The following DPH2 variants were observed in gnomAD, a reference collection of about 807,000 sequenced individuals.
DPH2 encodes the protein 2-(3-amino-3-carboxypropyl)histidine synthase subunit 2.
In DPH2, 28 loss-of-function variants were observed where a neutral mutation model predicts 42.5. That is an observed-to-expected ratio of 0.66 (90% CI 0.49 to 0.90). DPH2 has a LOEUF of 0.90. DPH2 is among the 40% of genes least tolerant of loss of function. The probability of loss-of-function intolerance (pLI) is 0.00; values close to 1 mark genes in which losing one functional copy is unlikely to be tolerated. For missense variants in DPH2, 576 were observed against 636.0 expected, an observed-to-expected ratio of 0.91 and a Z score of 1.01; for synonymous variants, 279 against 264.4, an observed-to-expected ratio of 1.06 and a Z score of -0.53.
chr1:43,972,299 G>T lies in DPH2; in HGVS notation c.1310G>T (p.Arg437Leu). 6.2e-7 allele frequency: 1 copy of T among 1,614,098 alleles called. No individual in the cohort carries two copies. The highest frequency in any genetic ancestry group is 8.5e-7 in the Non-Finnish European group (1 of 1,180,012). ...NDHGSLALTPRPQLELAESSP... is the reference protein window; with the variant it reads ...NDHGSLALTPLPQLELAESSP... ...CATGGAAGCTTGGCTCTGACCCCAC[G>T]GCCCCAGCTGGAGCTGGCTGAGAGC... is the stretch of plus-strand genomic sequence containing the variant. Residue 437 changes from arginine to leucine, a missense_variant, in exon 5 of 6, where the codon CGG becomes CTG. Transcript: ENST00000255108.
At position 43,971,699 on chromosome 1, in the gene DPH2, G is replaced by A. The variant is rs370476187; in HGVS notation, c.797G>A (p.Arg266Gln). 8.1e-6 allele frequency: 13 copies of A among 1,613,464 alleles called. No homozygotes were observed. The highest frequency in any genetic ancestry group is 2.7e-5 in the African/African-American group (2 of 74,934). The stretch of plus-strand genomic sequence containing the variant: ...CAGGATGAGGGTGCCCGGGCTGGAC[G>A]GCTAAGGGCACGAAGACGATATCTG... ...KTQDEGARAG[R>Q]LRARRRYLVE... The change falls in exon 4 of 6, where the codon CGG (arginine) becomes CAG (glutamine). Residue 266 changes from arginine (R) to glutamine (Q), a missense_variant. Around this residue, in one of 3 missense-constraint regions of DPH2, gnomAD observed 395 missense variants for 435.2 expected, o/e 0.91. Transcript: ENST00000255108.
chr1:43,971,261 A>G (rs980695568), intron 3 of DPH2, 72 bp downstream of exon 3: 52 of 1,529,256 alleles, frequency 3.4e-5, no homozygotes, highest in Non-Finnish European at 4.2e-5. Context: ...CCATTTCCAT[A>G]TACCATCCAT....
rs1402524650 is a variant in DPH2, at chr1:43,970,100, G to C, written c.-76G>C. ...ACAAGGCGATTTTGACCCCCTGAGG[G>C]CTGCTCTAGAGGACTCAGGCCCCGA... On this transcript the variant is annotated 5_prime_UTR_variant, in exon 1 of 6. Coordinates refer to ENST00000255108, the MANE Select transcript of DPH2 (RefSeq NM_001384.5). 1.3e-6 allele frequency: 2 copies of C among 1,551,662 alleles called. No individual in the cohort carries two copies. The highest frequency in any genetic ancestry group is 1.9e-4 in the Middle Eastern group (1 of 5,316).
rs767303260 is a variant in DPH2 at position 43,971,413 on chromosome 1, C to A, written c.511C>A (p.Arg171=). 1 of 1,599,078 alleles carries A rather than the reference C, an allele frequency of 6.3e-7. No homozygotes were observed. The highest frequency in any genetic ancestry group is 1.7e-5 in the Admixed American group (1 of 58,272). The change falls in exon 4 of 6, where the codon CGG becomes AGG. Residue 171 remains arginine (R), a synonymous_variant. Transcript: ENST00000255108. ...GGCTTTGGCTACTCTCCTGCGCCCACGGTACCTGGACCTGCTAGTCTCCAG... is the reference window on the plus strand; with the variant it reads ...GGCTTTGGCTACTCTCCTGCGCCCAAGGTACCTGGACCTGCTAGTCTCCAG... ...LEALATLLRP[R]YLDLLVSSPA...
chr1:43,970,035 A>G lies in DPH2; in HGVS notation c.-141A>G. 1.1e-6 allele frequency: 1 copy of G among 924,026 alleles called. No individual in the cohort carries two copies. The highest frequency in any genetic ancestry group is 1.6e-6 in the Non-Finnish European group (1 of 628,392). The allele number at this position is 924,026 out of a possible 1,614,324, so 57.2% of individuals were successfully genotyped here. ...AGTAGTTAGGATGGCTGAAGGGGAT[A>G]CTCACCGGCTGAAGGCCGACTGTGA... On this transcript the variant is annotated 5_prime_UTR_variant, in exon 1 of 6. The change creates a new upstream start codon in the 5' untranslated region. Transcript: ENST00000255108.
Position 43,972,403 on chromosome 1 carries a change from C to T in DPH2, c.1346-12C>T. On this transcript the variant is annotated splice_polypyrimidine_tract_variant and intron_variant, in intron 5 of 5. Coordinates refer to ENST00000255108, the MANE Select transcript of DPH2 (RefSeq NM_001384.5). The stretch of plus-strand genomic sequence containing the variant: ...ATGCAGCGCACTCAGACTGAGCCCC[C>T]TCCCTCTACAGCCTCATTCCTTAGT... The T allele has an allele frequency of 6.2e-7, 1 of 1,614,144 alleles. No homozygotes were observed. The highest frequency in any genetic ancestry group is 2.2e-5 in the East Asian group (1 of 44,890).
Position 43,970,327 on chromosome 1 carries a change from G to A in DPH2, c.147+5G>A. On this transcript the variant is annotated splice_donor_5th_base_variant and intron_variant, in intron 1 of 5. Transcript: ENST00000255108. ...CGCGACCTGGGGTGTGAACGAGTGA[G>A]GACAGACTTAGGGAAGGGTGGCTCG... 1.2e-6 allele frequency: 2 copies of A among 1,613,656 alleles called. No homozygotes were observed. Among genetic ancestry groups the A allele is most frequent in the Non-Finnish European group, 1.7e-6 (2 of 1,179,768 alleles).
At position 43,972,736 on chromosome 1, in the gene DPH2, A is replaced by C; in HGVS notation, c.*197A>C. 1 of 698,426 alleles carries C rather than the reference A, an allele frequency of 1.4e-6. No homozygotes were observed. The highest frequency in any genetic ancestry group is 2.3e-6 in the Non-Finnish European group (1 of 431,650). The allele number at this position is 698,426 out of a possible 1,614,324, so 43.3% of individuals were successfully genotyped here. On this transcript the variant is annotated 3_prime_UTR_variant, in exon 6 of 6. Transcript: ENST00000255108. ...GCACAAGCTCAGCACATGCCCAGTA[A>C]TGCGTGTTGTTTGGCTGATGGAATA... is the stretch of plus-strand genomic sequence containing the variant.
In DPH2 at chr1:43,971,052, G is replaced by A. The variant is rs747639248; in HGVS notation, c.347G>A (p.Arg116His). 8.9e-6 allele frequency: 14 copies of A among 1,575,420 alleles called. No homozygotes were observed. The highest frequency in any genetic ancestry group is 6.7e-5 in the African/African-American group (5 of 74,308). ...FGPACLSPPA[R>H]PLPVAFVLRQ... ...CCTGCCTGCTTAAGCCCTCCAGCCCGCCCACTGCCCGTTGCCTTCGTGCTT... is the reference window on the plus strand; with the variant it reads ...CCTGCCTGCTTAAGCCCTCCAGCCCACCCACTGCCCGTTGCCTTCGTGCTT... The change falls in exon 3 of 6, where the codon CGC becomes CAC. Residue 116 changes from arginine (R) to histidine (H), a missense_variant. Around this residue, in one of 3 missense-constraint regions of DPH2, gnomAD observed 395 missense variants for 435.2 expected, o/e 0.91. Transcript: ENST00000255108.
In DPH2 at chr1:43,972,453, C is replaced by T; in HGVS notation, c.1384C>T (p.Pro462Ser). The T allele has an allele frequency of 6.2e-7, 1 of 1,614,256 alleles. No individual in the cohort carries two copies. The highest frequency in any genetic ancestry group is 8.5e-7 in the Non-Finnish European group (1 of 1,180,054). ...LSSRSWQGLEPRLGQTPVTEA... is the reference protein window; with the variant it reads ...LSSRSWQGLESRLGQTPVTEA... ...TTCCCGGAGCTGGCAAGGGCTGGAG[C>T]CCCGCCTGGGTCAGACGCCAGTGAC... The change falls in exon 6 of 6, where the codon CCC (proline) becomes TCC (serine). Residue 462 changes from proline (P) to serine (S), a missense_variant. Transcript: ENST00000255108.
At chr1:43,970,388 C>A in intron 1 of DPH2, 66 bp downstream of exon 1, 1 of 1,584,830 alleles carries the variant, frequency 6.3e-7, no homozygotes, top group Non-Finnish European at 8.6e-7. Flanking sequence ...GGATCCGGAT[C>A]TTGGGGGATT....
chr1:43,972,240 C>A lies in DPH2; in HGVS notation c.1251C>A (p.Leu417=). The stretch of plus-strand genomic sequence containing the variant: ...ACGTGTCACTCATTACTGGAGATCT[C>A]CGACCCCCACCTGCCTGGAAGTCAT... ...TPDVSLITGD[L]RPPPAWKSSN... The change falls in exon 5 of 6, where the codon CTC becomes CTA. Residue 417 remains leucine (L), a synonymous_variant. Transcript: ENST00000255108. 6.2e-7 allele frequency: 1 copy of A among 1,614,210 alleles called. No individual in the cohort carries two copies. The highest frequency in any genetic ancestry group is 8.5e-7 in the Non-Finnish European group (1 of 1,180,036).
Position 43,971,730 on chromosome 1 carries a change from G to A in DPH2, c.828G>A (p.Glu276=), listed in dbSNP as rs2085431331. The part of the protein sequence containing the change: ...RLRARRRYLV[E]RARDARVVGL... Reference sequence around the variant, plus strand: ...GGGCACGAAGACGATATCTGGTAGAGAGGGCCAGAGATGCCCGCGTGGTAG... The same window carrying A: ...GGGCACGAAGACGATATCTGGTAGAAAGGGCCAGAGATGCCCGCGTGGTAG... The change falls in exon 4 of 6, where the codon GAG becomes GAA. Residue 276 remains glutamate, a synonymous_variant. Coordinates refer to ENST00000255108, the MANE Select transcript of DPH2 (RefSeq NM_001384.5). 1.2e-6 allele frequency: 2 copies of A among 1,611,252 alleles called. No homozygotes were observed. The highest frequency in any genetic ancestry group is 1.7e-6 in the Non-Finnish European group (2 of 1,179,634).
At chr1:43,971,231 T>C in intron 3 of DPH2, 42 bp downstream of exon 3, 3 of 1,535,930 alleles carry the variant, frequency 2.0e-6, no homozygotes, top group Non-Finnish European at 2.6e-6. Context: ...GTGAGCCAAC[T>C]GCTTTATGCC....
In DPH2 at chr1:43,972,430, C is replaced by G. The variant is rs1164570943; in HGVS notation, c.1361C>G (p.Ser454Cys). 1 of 1,614,224 alleles carries G rather than the reference C, an allele frequency of 6.2e-7. No individual in the cohort carries two copies. Among genetic ancestry groups the G allele is most frequent in the South Asian group, 1.1e-5 (1 of 91,084 alleles). ...ESSPAASFLSSRSWQGLEPRL... is the reference protein window; with the variant it reads ...ESSPAASFLSCRSWQGLEPRL... ...CCCTCTACAGCCTCATTCCTTAGTTCCCGGAGCTGGCAAGGGCTGGAGCCC... is the reference window on the plus strand; with the variant it reads ...CCCTCTACAGCCTCATTCCTTAGTTGCCGGAGCTGGCAAGGGCTGGAGCCC... Residue 454 changes from serine (S) to cysteine (C), a missense_variant, in exon 6 of 6, where the codon TCC becomes TGC. Ser to Cys is a moderately radical substitution (Grantham distance 112). Around this residue, in one of 3 missense-constraint regions of DPH2, gnomAD observed 178 missense variants for 184.4 expected, o/e 0.97. Transcript: ENST00000255108.
Position 43,971,627 on chromosome 1 carries a change from C to T in DPH2, c.725C>T (p.Ala242Val). The change falls in exon 4 of 6, where the codon GCA becomes GTA. Residue 242 changes from alanine to valine, a missense_variant. Physicochemically the swap from Ala to Val is moderately conservative, Grantham distance 64. Transcript: ENST00000255108. ...PDLSRLLLGW[A>V]PGQPFSSCCP... ...CTGAGTCGGCTGCTCTTGGGGTGGG[C>T]ACCAGGTCAACCCTTCTCCTCCTGC... 1 of 1,614,118 alleles carries T rather than the reference C, an allele frequency of 6.2e-7. No homozygotes were observed. The highest frequency in any genetic ancestry group is 8.5e-7 in the Non-Finnish European group (1 of 1,179,972).
rs1469684503 is a variant in DPH2 at position 43,972,341 on chromosome 1, G to A, written c.1345+7G>A. On this transcript the variant is annotated splice_region_variant and intron_variant, in intron 5 of 5. Transcript: ENST00000255108. Reference sequence around the variant, plus strand: ...GCTGAGAGCAGTCCTGCAGGTAAATGTACAAGTCTCCACTCCCAGCTGAGC... The same window carrying A: ...GCTGAGAGCAGTCCTGCAGGTAAATATACAAGTCTCCACTCCCAGCTGAGC... 6.2e-7 allele frequency: 1 copy of A among 1,613,814 alleles called. No homozygotes were observed.
At position 43,971,832 on chromosome 1, in the gene DPH2, T is replaced by C; in HGVS notation, c.930T>C (p.Ala310=). Residue 310 remains alanine (A), a synonymous_variant, in exon 4 of 6, where the codon GCT becomes GCC. Coordinates refer to ENST00000255108, the MANE Select transcript of DPH2 (RefSeq NM_001384.5). ...LAHLRNLTQA[A]GKRSYVLALG... is the part of the protein sequence containing the mutation. Reference sequence around the variant, plus strand: ...ACTTGCGGAACCTGACTCAGGCTGCTGGCAAGCGTAGCTATGTGTTGGCCC... The same window carrying C: ...ACTTGCGGAACCTGACTCAGGCTGCCGGCAAGCGTAGCTATGTGTTGGCCC... The C allele has an allele frequency of 6.2e-7, 1 of 1,613,506 alleles. No homozygotes were observed. Among genetic ancestry groups the C allele is most frequent in the Non-Finnish European group, 8.5e-7 (1 of 1,180,046 alleles).
In DPH2 at chr1:43,971,933, G is replaced by A; in HGVS notation, c.1031G>A (p.Gly344Asp). 6.2e-7 allele frequency: 1 copy of A among 1,614,224 alleles called. No homozygotes were observed. Among genetic ancestry groups the A allele is most frequent in the Non-Finnish European group, 8.5e-7 (1 of 1,180,042 alleles). Reference sequence around the variant, plus strand: ...TTTGTGCTATTAGCCTGTCCTCTGGGTGCTCTAGCCCCCCAGCTTTCTGGT... The same window carrying A: ...TTTGTGCTATTAGCCTGTCCTCTGGATGCTCTAGCCCCCCAGCTTTCTGGT... ...DVFVLLACPL[G>D]ALAPQLSGSF... Residue 344 changes from glycine (G) to aspartate (D), a missense_variant, in exon 4 of 6, where the codon GGT becomes GAT. Gly to Asp is a moderately conservative substitution (Grantham distance 94, BLOSUM62 -1). Around this residue, in one of 3 missense-constraint regions of DPH2, gnomAD observed 178 missense variants for 184.4 expected, o/e 0.97. Transcript: ENST00000255108.
Sources: gnomAD v4.1 joint callset for allele counts on GRCh38, gnomAD v4.1.1 for gene constraint, gnomAD v4.1.1 regional missense constraint, MANE v1.5 for transcripts, NCBI Gene and HGNC (gene_info 2026-07-23, HGNC 2026-07-21) for gene names.